Variants in PARD3 observed in about 807,000 individuals in gnomAD.
The protein encoded by PARD3 is partitioning defective 3 homolog.
A neutral mutation model predicts 155.4 loss-of-function variants in PARD3; 75 were observed. The ratio of observed to expected loss-of-function variants is 0.48; its 90% CI spans 0.40 to 0.58. The LOEUF is 0.58. PARD3 is among the 20% of genes least tolerant of loss of function. The pLI is 0.00. For synonymous variants in PARD3, 576 were observed against 610.5 expected (o/e 0.94, Z 0.83); for missense variants, 1,642 against 1,721.7 (o/e 0.95, Z 0.82).
At chr10:34,470,689 T>C (rs1280881554) in intron 3 of PARD3, among the ~76,000 whole-genome samples, 1 of 152,204 alleles carries the variant, frequency 6.6e-6, no homozygotes, top group African/African-American at 2.4e-5. Context: ...ATAATAACCA[T>C]TACTGTGATC....
chr10:34,466,555 GTTAAC>G (rs2078018783), intron 4 of PARD3, among the ~76,000 whole-genome samples: 1 of 152,122 alleles, frequency 6.6e-6, no homozygotes, highest in South Asian at 2.1e-4. Flanking sequence ...ATTTAAGAAT[GTTAAC>G]TTATTTTAAC....
intron 2 of PARD3, among the ~76,000 whole-genome samples, chr10:34,655,661 G>A (rs571385504): frequency 1.6e-4 from 24 of 152,266 alleles, no homozygotes; most frequent in Non-Finnish European, 3.1e-4. Context: ...GAACGCTGAC[G>A]AATATAGCCA....
intron 1 of PARD3, among the ~76,000 whole-genome samples, chr10:34,714,775 A>ATTTT (rs35679032): frequency 1.2e-4 from 17 of 144,400 alleles, no homozygotes; most frequent in South Asian, 4.5e-4. Flanking sequence ...ACACATCAAA[A>ATTTT]TTTTTTTTTT....
At chr10:34,586,181 G>A (rs1261858978) in intron 2 of PARD3, among the ~76,000 whole-genome samples, 1 of 151,446 alleles carries the variant, frequency 6.6e-6, no homozygotes, top group Non-Finnish European at 1.5e-5. Flanking sequence ...GATACGGGTG[G>A]ATAAGGTAAA....
intron 2 of PARD3, among the ~76,000 whole-genome samples, chr10:34,609,627 T>C (rs1486433711): frequency 6.6e-6 from 1 of 152,192 alleles, no homozygotes; most frequent in Non-Finnish European, 1.5e-5. Context: ...GCTGTATTCC[T>C]GAACTCCTGG....
chr10:34,250,115 T>C (rs537550973), intron 22 of PARD3, among the ~76,000 whole-genome samples: 8 of 151,970 alleles, frequency 5.3e-5, no homozygotes, highest in Admixed American at 4.6e-4. Context: ...TTACACGTTA[T>C]TATCAGCTGT....
At chr10:34,641,917 C>T (rs1003453863) in intron 2 of PARD3, among the ~76,000 whole-genome samples, 1 of 152,100 alleles carries the variant, frequency 6.6e-6, no homozygotes, top group Non-Finnish European at 1.5e-5. Flanking sequence ...AGAAGAGGCA[C>T]GGAGCCTCCC....
At chr10:34,232,167 G>A (rs1010530853) in intron 22 of PARD3, among the ~76,000 whole-genome samples, 1 of 152,058 alleles carries the variant, frequency 6.6e-6, no homozygotes, top group African/African-American at 2.4e-5. Context: ...CGTCTTATAG[G>A]TATTCAATAG....
intron 14 of PARD3, 148 bp from the exon 15 acceptor site, chr10:34,348,263 G>C (rs1837636402): frequency 1.7e-6 from 1 of 574,424 alleles, no homozygotes; most frequent in Admixed American, 4.0e-5. Context: ...AAAATAATTT[G>C]TGATGACAGC....
intron 3 of PARD3, among the ~76,000 whole-genome samples, chr10:34,495,828 T>C (rs1343981461): frequency 3.7e-5 from 5 of 134,514 alleles, no homozygotes; most frequent in African/African-American, 2.0e-4. Context: ...ATGATATCTT[T>C]TAAAAAGAAA....
chr10:34,627,258 G>T (rs1458774635), intron 2 of PARD3, among the ~76,000 whole-genome samples: 1 of 152,118 alleles, frequency 6.6e-6, no homozygotes. Context: ...GAACTCCTGA[G>T]CTCAAGCAAT....
intron 2 of PARD3, among the ~76,000 whole-genome samples, chr10:34,632,938 G>A (rs1407622112): frequency 1.3e-5 from 2 of 152,200 alleles, no homozygotes; most frequent in African/African-American, 4.8e-5. Flanking sequence ...AGGAGGCTGC[G>A]CAGAGGCTAA....
At chr10:34,723,072 G>A (rs1484643589) in intron 1 of PARD3, among the ~76,000 whole-genome samples, 1 of 152,050 alleles carries the variant, frequency 6.6e-6, no homozygotes, top group Admixed American at 6.5e-5. Context: ...GGCCAGGCAC[G>A]GTGGCTTACA....
chr10:34,653,763 T>C (rs1178499257), intron 2 of PARD3, among the ~76,000 whole-genome samples: 2 of 143,876 alleles, frequency 1.4e-5, no homozygotes, highest in African/African-American at 5.2e-5. Context: ...CACCGCACTC[T>C]AGCCTGGGCA....
chr10:34,448,283 A>G (rs2076866765), intron 5 of PARD3, among the ~76,000 whole-genome samples: 1 of 152,052 alleles, frequency 6.6e-6, no homozygotes. Flanking sequence ...AGCCAAACAC[A>G]GAAAGACAAA....
At chr10:34,452,650 T>C (rs147522552) in intron 4 of PARD3, among the ~76,000 whole-genome samples, 1 of 152,278 alleles carries the variant, frequency 6.6e-6, no homozygotes, top group Non-Finnish European at 1.5e-5. Context: ...GTTGGCGCTA[T>C]GGACTGCTGA....
chr10:34,161,048 C>T (rs2133046022), intron 22 of PARD3, among the ~76,000 whole-genome samples: 1 of 152,068 alleles, frequency 6.6e-6, no homozygotes, highest in South Asian at 2.1e-4. Context: ...TTGAGACCAG[C>T]CTAGGCAATA....
At chr10:34,529,868 G>C (rs558533007) in intron 2 of PARD3, among the ~76,000 whole-genome samples, 2 of 152,134 alleles carry the variant, frequency 1.3e-5, no homozygotes, top group South Asian at 4.1e-4. Context: ...CTGTGAAGCT[G>C]GGATTACAGG....
At chr10:34,244,726 T>C (rs1457993214) in intron 22 of PARD3, among the ~76,000 whole-genome samples, 1 of 152,240 alleles carries the variant, frequency 6.6e-6, no homozygotes, top group Non-Finnish European at 1.5e-5. Flanking sequence ...TCACATGCTA[T>C]ATAAAGGAAT....
Sources: gnomAD v4.1 joint callset for allele counts (sites outside exome capture counted in the v4.1 genomes callset) on GRCh38, gnomAD v4.1.1 for gene constraint, MANE v1.5 for transcripts, NCBI Gene and HGNC (gene_info 2026-07-23, HGNC 2026-07-21) for gene names.